The following ROBO2 variants were observed in gnomAD, a reference collection of about 807,000 sequenced individuals.
ROBO2 encodes roundabout guidance receptor 2, also known as roundabout homolog 2.
ROBO2 carries 53 observed loss-of-function variants against 160.8 expected under a neutral mutation model. The observed-to-expected ratio is 0.33, with a 90% CI of 0.26 to 0.41. The LOEUF is 0.41. Among genes scored for constraint, ROBO2 ranks in the 10% least tolerant of loss-of-function variants. ROBO2 has a pLI of 1.00. For synonymous variants in ROBO2, 664 were observed against 611.7 expected (o/e 1.09, Z -1.26); for missense variants, 1,577 against 1,722.4 (o/e 0.92, Z 1.49).
At chr3:76,887,283 C>T (rs1236695020) in intron 2 of ROBO2, among the ~76,000 whole-genome samples, 3 of 128,572 alleles carry the variant, frequency 2.3e-5, no homozygotes. Context: ...TTAGCCATGT[C>T]ATTTTAGGCA....
chr3:77,431,131 G>A (rs2078728123), intron 2 of ROBO2, among the ~76,000 whole-genome samples: 1 of 152,236 alleles, frequency 6.6e-6, no homozygotes, highest in African/African-American at 2.4e-5. Context: ...CAAAGTAACT[G>A]AGCATTTAGC....
At chr3:76,963,979 C>T (rs13327630) in intron 2 of ROBO2, among the ~76,000 whole-genome samples, 6,602 of 152,102 alleles carry the variant, frequency 0.043, 455 homozygotes, top group African/African-American at 0.15. Flanking sequence ...ACCAAATGAA[C>T]TCAAGGCTAA....
intron 2 of ROBO2, among the ~76,000 whole-genome samples, chr3:76,526,329 G>C (rs1371726096): frequency 6.6e-6 from 1 of 151,964 alleles, no homozygotes; most frequent in East Asian, 1.9e-4. Flanking sequence ...GCAAATGATT[G>C]ACACCCCTTT....
intron 2 of ROBO2, among the ~76,000 whole-genome samples, chr3:77,378,642 A>G (rs966590634): frequency 1.3e-5 from 2 of 152,322 alleles, no homozygotes; most frequent in African/African-American, 4.8e-5. Context: ...GAGAGATATG[A>G]TTAAATATAT....
chr3:77,012,241 T>A (rs919805803), intron 2 of ROBO2, among the ~76,000 whole-genome samples: 22 of 152,168 alleles, frequency 1.4e-4, no homozygotes, highest in African/African-American at 5.1e-4. Flanking sequence ...TACCCTGGAA[T>A]AACCTGTGGT....
At chr3:77,314,857 G>A (rs891221279) in intron 2 of ROBO2, among the ~76,000 whole-genome samples, 20 of 152,116 alleles carry the variant, frequency 1.3e-4, no homozygotes, top group Non-Finnish European at 2.1e-4. Flanking sequence ...TGTGGGTAGG[G>A]TTTGTCTTGT....
chr3:76,272,880 ATTTATATATAAAAATATAATATATAT>A (rs1707597666), intron 2 of ROBO2, among the ~76,000 whole-genome samples: 6 of 18,634 alleles, frequency 3.2e-4, no homozygotes, highest in African/African-American at 9.5e-4. Flanking sequence ...TATAATATAT[ATTTATATATAAAAATATAATATATAT>A]TTATATATAA....
At chr3:76,845,356 C>G (rs936970238) in intron 2 of ROBO2, among the ~76,000 whole-genome samples, 1 of 151,946 alleles carries the variant, frequency 6.6e-6, no homozygotes, top group Non-Finnish European at 1.5e-5. Context: ...ACTGTTCTTA[C>G]CTTTCTAAAA....
intron 2 of ROBO2, among the ~76,000 whole-genome samples, chr3:76,302,854 A>C (rs1216758761): frequency 1.3e-5 from 2 of 152,132 alleles, no homozygotes; most frequent in African/African-American, 4.8e-5. Context: ...ATATTCTGCA[A>C]ACATCCTCAT....
At chr3:76,285,581 G>T (rs1398778374) in intron 2 of ROBO2, among the ~76,000 whole-genome samples, 1 of 151,890 alleles carries the variant, frequency 6.6e-6, no homozygotes, top group Admixed American at 6.6e-5. Flanking sequence ...TTTTAAAATC[G>T]AATGTTCTTT....
At chr3:76,141,002 T>G (rs1388430548) in intron 2 of ROBO2, among the ~76,000 whole-genome samples, 1 of 128,972 alleles carries the variant, frequency 7.8e-6, no homozygotes, top group East Asian at 2.4e-4. Flanking sequence ...GGAAAGTTGA[T>G]GAGGCATATA....
intron 1 of ROBO2, among the ~76,000 whole-genome samples, chr3:77,096,491 C>T (rs868415529): frequency 3.4e-5 from 5 of 149,244 alleles, no homozygotes; most frequent in African/African-American, 4.9e-5. Context: ...TCTTGTCACT[C>T]GGGCTGGAGT....
At chr3:77,460,430 C>T (rs535179287) in intron 2 of ROBO2, among the ~76,000 whole-genome samples, 4 of 152,166 alleles carry the variant, frequency 2.6e-5, no homozygotes, top group African/African-American at 9.6e-5. Flanking sequence ...GTAGCTCAGG[C>T]TGGAGGCATG....
intron 2 of ROBO2, among the ~76,000 whole-genome samples, chr3:76,794,065 G>T (rs1308690715): frequency 6.6e-6 from 1 of 151,786 alleles, no homozygotes; most frequent in South Asian, 2.1e-4. Flanking sequence ...CTAATGCCTT[G>T]AATCTTGAAA....
At chr3:77,278,454 C>T (rs1229589216) in intron 2 of ROBO2, among the ~76,000 whole-genome samples, 3 of 152,018 alleles carry the variant, frequency 2.0e-5, no homozygotes, top group Non-Finnish European at 4.4e-5. Context: ...AACACATAAA[C>T]CAATTTTATG....
intron 2 of ROBO2, among the ~76,000 whole-genome samples, chr3:77,357,270 C>T (rs564022487): frequency 2.6e-5 from 4 of 152,268 alleles, no homozygotes; most frequent in African/African-American, 9.6e-5. Flanking sequence ...TAGCAAAAGA[C>T]TCTGCCCTCT....
At chr3:77,318,153 T>G (rs1049774762) in intron 2 of ROBO2, among the ~76,000 whole-genome samples, 1 of 152,054 alleles carries the variant, frequency 6.6e-6, no homozygotes, top group African/African-American at 2.4e-5. Flanking sequence ...GTTCAAGCGA[T>G]TATCGTGTCT....
At chr3:77,320,351 G>C (rs557121791) in intron 2 of ROBO2, among the ~76,000 whole-genome samples, 1 of 152,092 alleles carries the variant, frequency 6.6e-6, no homozygotes, top group Admixed American at 6.5e-5. Flanking sequence ...GCCCTCTCTT[G>C]TCTCATTTTT....
At chr3:76,729,922 G>T (rs560217772) in intron 2 of ROBO2, among the ~76,000 whole-genome samples, 32 of 152,226 alleles carry the variant, frequency 2.1e-4, no homozygotes, top group African/African-American at 7.7e-4. Context: ...ATGGGCGTGA[G>T]CCACTTCGCC....
Sources: gnomAD v4.1 joint callset for allele counts (sites outside exome capture counted in the v4.1 genomes callset) on GRCh38, gnomAD v4.1.1 for gene constraint, MANE v1.5 for transcripts, NCBI Gene and HGNC (gene_info 2026-07-23, HGNC 2026-07-21) for gene names.